SBF2: variants seen among roughly 807,000 people sequenced by gnomAD.
SBF2 encodes the protein myotubularin-related protein 13.
In SBF2, 112 loss-of-function variants were observed where a neutral mutation model predicts 225.2. The observed-to-expected ratio is 0.50, with a 90% CI of 0.43 to 0.58. The LOEUF (loss-of-function observed/expected upper bound fraction) is 0.58, where lower values mean the gene tolerates loss of function less well. Among genes scored for constraint, SBF2 ranks in the 20% least tolerant of loss-of-function variants. The pLI is 0.00. For missense variants in SBF2, 1,996 were observed against 2,206.2 expected, an observed-to-expected ratio of 0.90 and a Z score of 1.91; for synonymous variants, 763 against 773.3, an observed-to-expected ratio of 0.99 and a Z score of 0.22.
At chr11:10,221,135 T>C (rs1001373107) in intron 1 of SBF2, among the ~76,000 whole-genome samples, 1 of 151,992 alleles carries the variant, frequency 6.6e-6, no homozygotes, top group African/African-American at 2.4e-5. Context: ...TTTTTTTTTT[T>C]TTAATTGAGA....
At chr11:10,280,291 T>C (rs147309475) in intron 1 of SBF2, among the ~76,000 whole-genome samples, 9 of 152,330 alleles carry the variant, frequency 5.9e-5, no homozygotes, top group African/African-American at 1.4e-4. Flanking sequence ...TGGACTGATA[T>C]ATTTGTATCC....
At chr11:9,787,602 G>A (rs761445426) in intron 36 of SBF2, 32 bp downstream of exon 36, 2 of 1,576,692 alleles carry the variant, frequency 1.3e-6, no homozygotes, top group South Asian at 2.2e-5. Context: ...AGAAAGCTCA[G>A]AAGTGGCTCT....
intron 16 of SBF2, among the ~76,000 whole-genome samples, chr11:9,952,777 T>C (rs1301974351): frequency 6.6e-6 from 1 of 152,214 alleles, no homozygotes; most frequent in African/African-American, 2.4e-5. Flanking sequence ...CTCACTAATA[T>C]GGAAATATTC....
At chr11:10,161,995 A>C (rs1955763889) in intron 2 of SBF2, among the ~76,000 whole-genome samples, 1 of 152,044 alleles carries the variant, frequency 6.6e-6, no homozygotes, top group East Asian at 1.9e-4. Context: ...AAAAATAAAT[A>C]AATAAAAATA....
intron 6 of SBF2, 126 bp from the exon 7 acceptor site, chr11:10,002,815 T>C (rs1948030662): frequency 1.2e-6 from 1 of 847,252 alleles, no homozygotes; most frequent in African/African-American, 1.7e-5. Context: ...AATACTTGGT[T>C]AAACTGTAAA....
In SBF2 at chr11:9,808,058, T is replaced by C; in HGVS notation, c.4385A>G (p.Asn1462Ser). The C allele has an allele frequency of 1.2e-6, 2 of 1,614,188 alleles. No individual in the cohort carries two copies. Among genetic ancestry groups the C allele is most frequent in the Non-Finnish European group, 1.7e-6 (2 of 1,180,028 alleles). ...KFSQRSSLTL[N>S]CQGSGFAPVF... is the part of the protein sequence containing the mutation. Reference sequence around the variant, plus strand: ...TGGAGCAAAACCACTCCCCTGACAGTTGAGGGTCAAGCTGCTCCTCTGACT... The same window carrying C: ...TGGAGCAAAACCACTCCCCTGACAGCTGAGGGTCAAGCTGCTCCTCTGACT... Residue 1462 changes from asparagine to serine, a missense_variant, in exon 32 of 40, where the codon AAC becomes AGC. Coordinates refer to ENST00000256190, the MANE Select transcript of SBF2 (RefSeq NM_030962.4).
intron 2 of SBF2, among the ~76,000 whole-genome samples, chr11:10,103,732 C>T (rs1952420331): frequency 1.3e-5 from 2 of 152,258 alleles, no homozygotes; most frequent in South Asian, 4.1e-4. Context: ...TCATGGAGAG[C>T]TGATATGTTC....
chr11:9,867,697 T>C (rs1212214366), intron 17 of SBF2, among the ~76,000 whole-genome samples: 9 of 152,164 alleles, frequency 5.9e-5, no homozygotes, highest in Non-Finnish European at 7.4e-5. Context: ...TAAAAAAGAA[T>C]GAAATCCTGT....
At position 10,176,035 on chromosome 11, in the gene SBF2, C is replaced by T. The variant is rs555881171; in HGVS notation, c.141+17867G>A. 8.0e-4 allele frequency among the ~76,000 whole-genome samples: 93 copies of T among 116,438 alleles called. 6 individuals are homozygous for T. Among genetic ancestry groups the T allele is most frequent in the African/African-American group, 2.7e-3 (87 of 32,104 alleles). The allele number at this position is 116,438 out of a possible 152,430, so 76.4% of individuals were successfully genotyped here. ...GCATTGTGTAGAGGGAAATTTATAG[C>T]ACTAAATGCCCACAAGAGAAAGCAG... On this transcript the variant is annotated intron_variant, in intron 2 of 39. Coordinates refer to ENST00000256190, the MANE Select transcript of SBF2 (RefSeq NM_030962.4).
At chr11:10,074,461 A>G (rs1174981107) in intron 2 of SBF2, among the ~76,000 whole-genome samples, 1 of 152,200 alleles carries the variant, frequency 6.6e-6, no homozygotes, top group Non-Finnish European at 1.5e-5. Flanking sequence ...TAGAAACAAA[A>G]TGTTCTTCGA....
chr11:9,822,409 C>T lies in SBF2; in HGVS notation c.3794-5385G>A, dbSNP rs899709846. ...CCGCATAGCTGGGACTACAGGCGCC[C>T]GCCACCACGCCCGGCTAATTTTTTG... On this transcript the variant is annotated intron_variant, in intron 28 of 39. Transcript: ENST00000256190. Among the ~76,000 whole-genome samples the T allele has an allele frequency of 4.6e-5, 7 of 152,108 alleles. No homozygotes were observed. The East Asian group carries it at 7.7e-4, about 17-fold the overall frequency.
intron 16 of SBF2, among the ~76,000 whole-genome samples, chr11:9,896,420 A>T (rs1861260843): frequency 6.6e-6 from 1 of 152,078 alleles, no homozygotes; most frequent in South Asian, 2.1e-4. Flanking sequence ...TTTTTTGCAC[A>T]TTTTAACATT....
chr11:9,827,957 A>G lies in SBF2; in HGVS notation c.3793+1399T>C, dbSNP rs575952283. ...ATTATACTTCTTGTCCCACAAGGCT[A>G]AGCTCATCTGTCATCATGCTAGTAA... On this transcript the variant is annotated intron_variant, in intron 28 of 39. Coordinates refer to ENST00000256190, the MANE Select transcript of SBF2 (RefSeq NM_030962.4). 3.3e-5 allele frequency among the ~76,000 whole-genome samples: 5 copies of G among 152,374 alleles called. No homozygotes were observed. In the South Asian group the frequency reaches 8.3e-4, roughly 25 times the overall value.
chr11:10,050,165 A>G (rs1175289503), intron 2 of SBF2, among the ~76,000 whole-genome samples: 1 of 152,218 alleles, frequency 6.6e-6, no homozygotes, highest in Non-Finnish European at 1.5e-5. Context: ...ATGACTGCAT[A>G]TTTTCACATC....
chr11:10,185,227 CAT>C (rs1226963587), intron 2 of SBF2, among the ~76,000 whole-genome samples: 1 of 152,056 alleles, frequency 6.6e-6, no homozygotes, highest in Non-Finnish European at 1.5e-5. Flanking sequence ...CTACTATAAA[CAT>C]GTGTATGAAT....
At chr11:9,786,955 G>A (rs576090560) in intron 36 of SBF2, among the ~76,000 whole-genome samples, 21 of 152,270 alleles carry the variant, frequency 1.4e-4, no homozygotes, top group African/African-American at 2.4e-4. Context: ...GTGGTGGCAC[G>A]ATCTCGGCTC....
Position 9,780,232 on chromosome 11 carries a change from C to A in SBF2, c.*186G>T. ...TACAGGGAGTGCATGGGGCTGTTGA[C>A]CAGACCTGTGTGAAACACCTATTCA... On this transcript the variant is annotated 3_prime_UTR_variant, in exon 40 of 40. Transcript: ENST00000256190. 1.5e-6 allele frequency: 1 copy of A among 651,366 alleles called. No homozygotes were observed. Among genetic ancestry groups the A allele is most frequent in the South Asian group, 1.6e-5 (1 of 61,678 alleles). 40.3% of individuals were successfully genotyped at this position (651,366 alleles called of 1,614,324 possible).
Position 10,132,728 on chromosome 11 carries a change from C to T in SBF2, c.141+61174G>A, listed in dbSNP as rs546673895. 8.3e-4 allele frequency among the ~76,000 whole-genome samples: 124 copies of T among 148,684 alleles called. 6 individuals carry two copies. The highest frequency in any genetic ancestry group is 2.7e-4 in the Non-Finnish European group (18 of 67,352). The stretch of plus-strand genomic sequence containing the variant: ...TCCACAGTGTGGAAGGGGACCCGAG[C>T]GGGTTGCCAATGCTGGCTCGGGCAG... On this transcript the variant is annotated intron_variant, in intron 2 of 39. Coordinates refer to ENST00000256190, the MANE Select transcript of SBF2 (RefSeq NM_030962.4).
intron 1 of SBF2, among the ~76,000 whole-genome samples, chr11:10,213,566 A>C (rs1958017600): frequency 6.6e-6 from 1 of 152,190 alleles, no homozygotes; most frequent in Non-Finnish European, 1.5e-5. Flanking sequence ...AATTCTTGCA[A>C]TTCTTTTGAT....
Sources: gnomAD v4.1 joint callset for allele counts (sites outside exome capture counted in the v4.1 genomes callset) on GRCh38, gnomAD v4.1.1 for gene constraint, MANE v1.5 for transcripts, NCBI Gene and HGNC (gene_info 2026-07-23, HGNC 2026-07-21) for gene names.